Variants in SOX5 observed in about 807,000 individuals in gnomAD.
The protein encoded by SOX5 is transcription factor SOX-5.
In SOX5, 9 loss-of-function variants were observed where a neutral mutation model predicts 92.0. That is an observed-to-expected ratio of 0.10 (90% CI 0.06 to 0.17). The LOEUF is 0.17. Ranked by LOEUF, SOX5 falls within the 10% of genes least tolerant of loss-of-function variation. The pLI is 1.00. For missense variants in SOX5, 642 were observed against 944.5 expected (o/e 0.68, Z 4.20); for synonymous variants, 344 against 336.3 (o/e 1.02, Z -0.25).
At chr12:24,177,109 C>T (rs1954908616) in intron 4 of SOX5, among the ~76,000 whole-genome samples, 1 of 151,242 alleles carries the variant, frequency 6.6e-6, no homozygotes, top group South Asian at 2.1e-4. Context: ...AACAAAATAA[C>T]AGCATTGCTT....
chr12:23,979,424 A>G (rs918180875), intron 4 of SOX5, among the ~76,000 whole-genome samples: 2 of 151,898 alleles, frequency 1.3e-5, no homozygotes, highest in African/African-American at 4.8e-5. Flanking sequence ...AGGTTTCACC[A>G]TGTTGGTCAG....
chr12:24,281,090 T>C (rs1000990678), intron 2 of SOX5, among the ~76,000 whole-genome samples: 1 of 151,640 alleles, frequency 6.6e-6, no homozygotes, highest in Admixed American at 6.6e-5. Context: ...TTTGTTTCCA[T>C]GGGTACAAAT....
chr12:24,173,677 G>A (rs1269167054), intron 4 of SOX5, among the ~76,000 whole-genome samples: 3 of 152,286 alleles, frequency 2.0e-5, no homozygotes, highest in East Asian at 1.9e-4. Flanking sequence ...TGGGGTCAGG[G>A]CGGGGGAAGT....
chr12:23,548,227 A>C (rs1013424535), intron 11 of SOX5, among the ~76,000 whole-genome samples: 4 of 152,088 alleles, frequency 2.6e-5, no homozygotes, highest in Admixed American at 6.6e-5. Flanking sequence ...AATTAATCAA[A>C]GTAGAAAAAG....
At chr12:24,344,281 CAAAAAAA>C (rs61660537) in intron 2 of SOX5, among the ~76,000 whole-genome samples, 181 of 104,306 alleles carry the variant, frequency 1.7e-3, no homozygotes, top group Non-Finnish European at 3.0e-3. Context: ...GACTCTGTCT[CAAAAAAA>C]AAAAAAAAAA....
Position 23,531,985 on chromosome 12 carries a change from T to TTAAA in SOX5, c.*2230_*2233dup, listed in dbSNP as rs968555335. The TTAAA allele has an allele frequency of 1.1e-4, 17 of 150,876 alleles. No homozygotes were observed. The highest frequency in any genetic ancestry group is 4.1e-4 in the African/African-American group (17 of 41,240). 9.3% of individuals were successfully genotyped at this position (150,876 alleles called of 1,614,324 possible). ...TATGAGTTGGAGATGGAAATTTGTT[T>TTAAA]TAAATATCTAACAGCTTATTGGCTG... is the stretch of plus-strand genomic sequence containing the variant. On this transcript the variant is annotated 3_prime_UTR_variant, in exon 15 of 15. Coordinates refer to ENST00000451604, the MANE Select transcript of SOX5 (RefSeq NM_006940.6).
chr12:23,861,938 G>C (rs2096761200), intron 2 of SOX5, among the ~76,000 whole-genome samples: 1 of 152,060 alleles, frequency 6.6e-6, no homozygotes, highest in South Asian at 2.1e-4. Context: ...CACAAAGACA[G>C]AATATTTGGT....
rs905781438 is a variant in SOX5, at chr12:24,178,662, TA to T, written c.-2+34680del. On this transcript the variant is annotated intron_variant, in intron 4 of 4. Transcript: ENST00000446891. ...AAACCCTTGTGAAAAGTATTTTAGA[TA>T]AAAAAAAATCTTGTTTTCCTCCTAA... Among the ~76,000 whole-genome samples the T allele has an allele frequency of 7.2e-5, 11 of 151,944 alleles. No individual in the cohort carries two copies. The South Asian group carries it at 1.2e-3, about 17-fold the overall frequency.
chr12:23,840,252 A>G (rs1005206130), intron 3 of SOX5, among the ~76,000 whole-genome samples: 2 of 152,140 alleles, frequency 1.3e-5, no homozygotes, highest in African/African-American at 4.8e-5. Flanking sequence ...TTACATCAAA[A>G]AAGAAATAGT....
intron 3 of SOX5, among the ~76,000 whole-genome samples, chr12:24,219,012 T>C (rs757415887): frequency 6.6e-6 from 1 of 152,072 alleles, no homozygotes; most frequent in Non-Finnish European, 1.5e-5. Context: ...TTGTTAATAG[T>C]TGGAAATCAT....
chr12:23,876,473 A>G (rs186473179), intron 2 of SOX5, among the ~76,000 whole-genome samples: 1 of 152,354 alleles, frequency 6.6e-6, no homozygotes, highest in Non-Finnish European at 1.5e-5. Context: ...AAAAGTCAGG[A>G]AACAACAGAT....
At chr12:23,776,596 C>T (rs554546370) in intron 3 of SOX5, among the ~76,000 whole-genome samples, 17 of 152,202 alleles carry the variant, frequency 1.1e-4, no homozygotes, top group South Asian at 1.0e-3. Context: ...TTTAGCACCA[C>T]GGACCAGTCT....
chr12:24,043,505 T>G (rs1321387358), intron 4 of SOX5, among the ~76,000 whole-genome samples: 2 of 152,206 alleles, frequency 1.3e-5, no homozygotes, highest in South Asian at 4.1e-4. Flanking sequence ...ATGGCAGAAC[T>G]GGGACAATCA....
At chr12:23,771,302 C>T (rs2094929964) in intron 3 of SOX5, among the ~76,000 whole-genome samples, 1 of 151,798 alleles carries the variant, frequency 6.6e-6, no homozygotes, top group Non-Finnish European at 1.5e-5. Flanking sequence ...AGCTGTTAGA[C>T]ATTTTGCAAA....
intron 2 of SOX5, among the ~76,000 whole-genome samples, chr12:24,291,129 AG>A (rs1210077558): frequency 1.3e-5 from 2 of 152,234 alleles, no homozygotes; most frequent in African/African-American, 4.8e-5. Context: ...TGACATGATT[AG>A]GCACTGGGCA....
At chr12:24,421,763 T>C (rs1157060971) in intron 1 of SOX5, among the ~76,000 whole-genome samples, 1 of 152,248 alleles carries the variant, frequency 6.6e-6, no homozygotes, top group Non-Finnish European at 1.5e-5. Context: ...TTTACAAAGA[T>C]AATGGCACAC....
chr12:24,216,377 C>G (rs1389857025), intron 3 of SOX5, among the ~76,000 whole-genome samples: 2 of 151,874 alleles, frequency 1.3e-5, no homozygotes, highest in Admixed American at 6.6e-5. Flanking sequence ...CCAGCTACTC[C>G]GGAGGCTGGG....
chr12:23,664,547 A>T (rs934064351), intron 7 of SOX5, among the ~76,000 whole-genome samples: 5 of 152,224 alleles, frequency 3.3e-5, no homozygotes, highest in Admixed American at 3.3e-4. Flanking sequence ...TATTATTTTT[A>T]TCTTACAGAA....
intron 4 of SOX5, among the ~76,000 whole-genome samples, chr12:24,075,688 CA>C (rs749224588): frequency 1.4e-4 from 22 of 151,918 alleles, no homozygotes; most frequent in Non-Finnish European, 2.8e-4. Flanking sequence ...TAAGCAAACC[CA>C]AAGTTTAAAT....
Sources: gnomAD v4.1 joint callset for allele counts (sites outside exome capture counted in the v4.1 genomes callset) on GRCh38, gnomAD v4.1.1 for gene constraint, MANE v1.5 for transcripts, NCBI Gene and HGNC (gene_info 2026-07-23, HGNC 2026-07-21) for gene names.